The following RWDD2B variants were observed in gnomAD, a reference collection of about 807,000 sequenced individuals.
RWDD2B encodes RWD domain containing 2B.
Under a neutral mutation model 33.6 loss-of-function variants are expected in RWDD2B, and 36 were observed. The observed-to-expected ratio is 1.07, with a 90% CI of 0.82 to 1.42. The LOEUF (loss-of-function observed/expected upper bound fraction) is 1.42. Ranked by LOEUF, RWDD2B falls within the 40% of genes most tolerant of loss-of-function variation. The pLI is 0.00. For synonymous variants in RWDD2B, 126 were observed against 133.1 expected, an observed-to-expected ratio of 0.95 and a Z score of 0.37; for missense variants, 364 against 377.5, an observed-to-expected ratio of 0.96 and a Z score of 0.30.
intron 1 of RWDD2B, among the ~76,000 whole-genome samples, chr21:29,013,323 G>T (rs2084873556): frequency 6.6e-6 from 1 of 151,806 alleles, no homozygotes; most frequent in Non-Finnish European, 1.5e-5. Flanking sequence ...GTATTTCCTG[G>T]CTTTTCTCAC....
chr21:29,010,821 C>G (rs2084854063), intron 1 of RWDD2B, among the ~76,000 whole-genome samples: 1 of 149,970 alleles, frequency 6.7e-6, no homozygotes, highest in South Asian at 2.1e-4. Context: ...GCGCGCGCCG[C>G]CACCCCTGAC....
intron 1 of RWDD2B, among the ~76,000 whole-genome samples, chr21:29,013,313 G>A (rs1001550702): frequency 1.3e-4 from 19 of 151,888 alleles, no homozygotes; most frequent in Non-Finnish European, 2.5e-4. Flanking sequence ...TTCTTTTTTG[G>A]TATTTCCTGG....
At chr21:29,011,350 C>A (rs1007588726) in intron 1 of RWDD2B, among the ~76,000 whole-genome samples, 1 of 147,680 alleles carries the variant, frequency 6.8e-6, no homozygotes, top group East Asian at 2.0e-4. Flanking sequence ...AGCGTCTCTG[C>A]CCGGCCACCC....
chr21:29,012,019 GC>G (rs1024054308), intron 1 of RWDD2B, among the ~76,000 whole-genome samples: 3 of 135,914 alleles, frequency 2.2e-5, no homozygotes, highest in Non-Finnish European at 4.7e-5. Flanking sequence ...CCGGCCAGCC[GC>G]CCTGTCCGGG....
In RWDD2B at chr21:29,005,218, G is replaced by T. The variant is rs1254488746; in HGVS notation, c.*1199C>A. 1 of 152,148 alleles carries T rather than the reference G, an allele frequency of 6.6e-6. No homozygotes were observed. Among genetic ancestry groups the T allele is most frequent in the Non-Finnish European group, 1.5e-5 (1 of 68,036 alleles). The allele number at this position is 152,148 out of a possible 1,614,324, so 9.4% of individuals were successfully genotyped here. On this transcript the variant is annotated 3_prime_UTR_variant, in exon 5 of 5. Coordinates refer to ENST00000493196, the MANE Select transcript of RWDD2B (RefSeq NM_016940.3). ...AAATTTTCTAAATTACTAATTTGAT[G>T]AATTGTTGAGGCTTGTTAAAAAAGT... is the stretch of plus-strand genomic sequence containing the variant.
chr21:29,006,326 CTAAAA>C lies in RWDD2B; in HGVS notation c.*86_*90del. 1.2e-6 allele frequency: 1 copy of C among 806,458 alleles called. No individual in the cohort carries two copies. The highest frequency in any genetic ancestry group is 2.0e-5 in the South Asian group (1 of 51,152). 50.0% of individuals were successfully genotyped at this position (806,458 alleles called of 1,614,324 possible). A position where few individuals can be genotyped will look rare whatever the true frequency, so the allele number is the denominator to read the frequency against. ...CACTCCCCAACATTCTAGAATGGAA[CTAAAA>C]TAAAATTACTTAATCTTTCAAGAAA... On this transcript the variant is annotated 3_prime_UTR_variant, in exon 5 of 5. Coordinates refer to ENST00000493196, the MANE Select transcript of RWDD2B (RefSeq NM_016940.3).
At position 29,018,411 on chromosome 21, in the gene RWDD2B, C is replaced by T. The variant is rs2084900147; in HGVS notation, c.67+800G>A. On this transcript the variant is annotated intron_variant, in intron 1 of 4. Transcript: ENST00000493196. ...GTTTTGAAGTCTACGAGAGACTCAG[C>T]TAGATATATAATCTTGGGAGTCAAC... 2.0e-5 allele frequency among the ~76,000 whole-genome samples: 3 copies of T among 152,254 alleles called. No homozygotes were observed. The South Asian group carries it at 6.2e-4, about 32-fold the overall frequency.
At position 29,012,186 on chromosome 21, in the gene RWDD2B, C is replaced by CCG. The variant is rs1555851467; in HGVS notation, c.68-3566_68-3565insCG. 2.1e-3 allele frequency among the ~76,000 whole-genome samples: 305 copies of CCG among 145,322 alleles called. 20 individuals carry two copies. The highest frequency in any genetic ancestry group is 7.0e-3 in the African/African-American group (270 of 38,832). On this transcript the variant is annotated intron_variant, in intron 1 of 4. Transcript: ENST00000493196. ...GAGGTGGGGGTGGTCAGCCCCCCCC[C>CCG]GGGAGGTGAGGGGCGCCTCTGCCCG... is the stretch of plus-strand genomic sequence containing the variant.
intron 1 of RWDD2B, among the ~76,000 whole-genome samples, chr21:29,013,241 T>C (rs897357280): frequency 2.6e-5 from 4 of 152,130 alleles, no homozygotes; most frequent in Admixed American, 6.5e-5. Context: ...GAAATCACTA[T>C]GATGGGTTAG....
intron 1 of RWDD2B, among the ~76,000 whole-genome samples, chr21:29,015,301 G>A (rs2084884756): frequency 2.3e-5 from 3 of 130,052 alleles, no homozygotes; most frequent in African/African-American, 8.9e-5. Context: ...TGCAATCTTG[G>A]CTTATTGCAA....
At chr21:29,016,235 A>T (rs1052244681) in intron 1 of RWDD2B, among the ~76,000 whole-genome samples, 1 of 151,634 alleles carries the variant, frequency 6.6e-6, no homozygotes, top group Non-Finnish European at 1.5e-5. Flanking sequence ...TTTAATCGCA[A>T]TGTTTTCTTT....
At chr21:29,008,870 C>T (rs1336313163) in intron 1 of RWDD2B, among the ~76,000 whole-genome samples, 1 of 152,166 alleles carries the variant, frequency 6.6e-6, no homozygotes, top group African/African-American at 2.4e-5. Flanking sequence ...TAAGTAGACA[C>T]CACATTCTTC....
chr21:29,007,922 C>T lies in RWDD2B; in HGVS notation c.564G>A (p.Thr188=), dbSNP rs760441462. 12 of 1,614,074 alleles carry T rather than the reference C, an allele frequency of 7.4e-6. No individual in the cohort carries two copies. The highest frequency in any genetic ancestry group is 1.3e-5 in the African/African-American group (1 of 74,900). The change falls in exon 4 of 5, where the codon ACG becomes ACA. Residue 188 remains threonine (T), a synonymous_variant. Transcript: ENST00000493196. The part of the protein sequence containing the change: ...STVQSVDLIF[T]RLWIYSHHIY... ...TATGATGGCTGTAGATCCAGAGTCT[C>T]GTGAAGATGAGGTCAACTGACTGGA...
chr21:29,015,234 T>G (rs929778049), intron 1 of RWDD2B, among the ~76,000 whole-genome samples: 2 of 141,076 alleles, frequency 1.4e-5, no homozygotes, highest in African/African-American at 5.3e-5. Flanking sequence ...GTTTTTTTTT[T>G]TTTTTTTTTT....
At chr21:29,011,539 G>C (rs959393580) in intron 1 of RWDD2B, among the ~76,000 whole-genome samples, 28 of 148,976 alleles carry the variant, frequency 1.9e-4, no homozygotes, top group Non-Finnish European at 2.5e-4. Flanking sequence ...AGGGAGGTGG[G>C]GGGGGGTCAG....
intron 1 of RWDD2B, among the ~76,000 whole-genome samples, chr21:29,011,241 G>A (rs1165294554): frequency 2.0e-5 from 3 of 151,574 alleles, no homozygotes; most frequent in African/African-American, 7.3e-5. Flanking sequence ...CTTCCCAGCC[G>A]CCATCCCATG....
chr21:29,008,381 C>A lies in RWDD2B; in HGVS notation c.294+14G>T, dbSNP rs769461157. ...CAACATGTTTCAATCCCTCTAAAAGCAAAACTGAATTACCATTTTTTCGTC... is the reference window on the plus strand; with the variant it reads ...CAACATGTTTCAATCCCTCTAAAAGAAAAACTGAATTACCATTTTTTCGTC... On this transcript the variant is annotated intron_variant, in intron 2 of 4. Coordinates refer to ENST00000493196, the MANE Select transcript of RWDD2B (RefSeq NM_016940.3). The A allele has an allele frequency of 1.9e-5, 31 of 1,613,406 alleles. No individual in the cohort carries two copies. Among genetic ancestry groups the A allele is most frequent in the Non-Finnish European group, 2.6e-5 (31 of 1,179,546 alleles).
At position 29,019,258 on chromosome 21, in the gene RWDD2B, A is replaced by G; in HGVS notation, c.20T>C (p.Met7Thr). The G allele has an allele frequency of 6.2e-7, 1 of 1,605,826 alleles. No individual in the cohort carries two copies. The highest frequency in any genetic ancestry group is 8.5e-7 in the Non-Finnish European group (1 of 1,176,804). Residue 7 changes from methionine (M) to threonine (T), a missense_variant, in exon 1 of 5, where the codon ATG becomes ACG. Met to Thr is a moderately conservative substitution (Grantham distance 81). Transcript: ENST00000493196. MKIELS[M>T]QPWNPGYSSE... ...GCTGTAACCCGGGTTCCATGGCTGC[A>G]TGGACAGCTCAATTTTCATCAGAAG...
rs1303964161 is a variant in RWDD2B, at chr21:29,015,439, C to A, written c.67+3772G>T. Among the ~76,000 whole-genome samples the A allele has an allele frequency of 2.0e-5, 3 of 151,004 alleles. No individual in the cohort carries two copies. The South Asian group carries it at 6.3e-4, about 32-fold the overall frequency. On this transcript the variant is annotated intron_variant, in intron 1 of 4. Transcript: ENST00000493196. ...AGAGATGGGGTTTCACCATGTTGGG[C>A]AGGCTGGTCTCGAAATCCTGACCTT...
Sources: gnomAD v4.1 joint callset for allele counts (sites outside exome capture counted in the v4.1 genomes callset) on GRCh38, gnomAD v4.1.1 for gene constraint, MANE v1.5 for transcripts, NCBI Gene and HGNC (gene_info 2026-07-23, HGNC 2026-07-21) for gene names.